Variants in KIF11 observed in about 807,000 individuals in gnomAD.
The protein encoded by KIF11 is kinesin family member 11, also known as kinesin-like protein KIF11.
KIF11 carries 9 observed loss-of-function variants against 121.0 expected under a neutral mutation model. The ratio of observed to expected loss-of-function variants is 0.07; its 90% CI spans 0.04 to 0.13. The LOEUF is 0.13. Ranked by LOEUF, KIF11 falls within the 10% of genes least tolerant of loss-of-function variation. KIF11 has a pLI of 1.00. For synonymous variants in KIF11, 408 were observed against 421.0 expected, an observed-to-expected ratio of 0.97 and a Z score of 0.38; for missense variants, 846 against 1,217.5, an observed-to-expected ratio of 0.69 and a Z score of 4.54.
chr10:92,652,967 A>C (rs1589610207), intron 21 of KIF11, among the ~76,000 whole-genome samples: 1 of 152,376 alleles, frequency 6.6e-6, no homozygotes, highest in East Asian at 1.9e-4. Context: ...GAATGTCACC[A>C]GTCCATTAAT....
Position 92,649,979 on chromosome 10 carries a change from C to T in KIF11, c.2915C>T (p.Thr972Ile), listed in dbSNP as rs200583142. The change falls in exon 20 of 22, where the codon ACA (threonine) becomes ATA (isoleucine). Residue 972 changes from threonine to isoleucine, a missense_variant. Around this residue, in one of 5 missense-constraint regions of KIF11, gnomAD observed 492 missense variants for 603.4 expected, o/e 0.82. Transcript: ENST00000260731. The part of the protein sequence containing the change: ...LNCSENNKEE[T>I]IPDVDVEEAV... ...TGTTCAGAAAACAACAAAGAAGAGACAATTCCGGTAAATTTAAAGGATCAT... is the reference window on the plus strand; with the variant it reads ...TGTTCAGAAAACAACAAAGAAGAGATAATTCCGGTAAATTTAAAGGATCAT... 1.9e-6 allele frequency: 3 copies of T among 1,607,690 alleles called. No individual in the cohort carries two copies. In the African/African-American group the frequency reaches 4.0e-5, roughly 21 times the overall value.
intron 1 of KIF11, among the ~76,000 whole-genome samples, chr10:92,595,447 G>T (rs1297410748): frequency 6.6e-6 from 1 of 151,918 alleles, no homozygotes; most frequent in Non-Finnish European, 1.5e-5. Flanking sequence ...ATCTGTCAGG[G>T]CAGGGGCCAG....
rs747970677 is a variant in KIF11 at position 92,637,476 on chromosome 10, G to A, written c.2091G>A (p.Leu697=). 1 of 1,608,206 alleles carries A rather than the reference G, an allele frequency of 6.2e-7. No homozygotes were observed. Among genetic ancestry groups the A allele is most frequent in the South Asian group, 1.1e-5 (1 of 89,614 alleles). The change falls in exon 16 of 22, where the codon TTG becomes TTA. Residue 697 remains leucine, a synonymous_variant. Coordinates refer to ENST00000260731, the MANE Select transcript of KIF11 (RefSeq NM_004523.4). ...HELQENTICS[L]VESQKQCGNL... ...TACAAGAAAATACCATTTGTTCCTTGGTTGAGTCACAAAAGCAATGTGGAA... is the reference window on the plus strand; with the variant it reads ...TACAAGAAAATACCATTTGTTCCTTAGTTGAGTCACAAAAGCAATGTGGAA...
intron 19 of KIF11, among the ~76,000 whole-genome samples, chr10:92,648,771 T>C (rs1454988958): frequency 6.6e-6 from 1 of 152,248 alleles, no homozygotes; most frequent in East Asian, 1.9e-4. Context: ...TAAATCTAGT[T>C]TAATGCAAAG....
At position 92,646,069 on chromosome 10, in the gene KIF11, A is replaced by G. The variant is rs369641571; in HGVS notation, c.2547+427A>G. ...CAAGTTCAAGCGATTCTCCTGCCTC[A>G]GCCTCTCGAGTAGTTGGGATTATAG... On this transcript the variant is annotated intron_variant, in intron 18 of 21. Coordinates refer to ENST00000260731, the MANE Select transcript of KIF11 (RefSeq NM_004523.4). Among the ~76,000 whole-genome samples the G allele has an allele frequency of 1.3e-5, 2 of 150,178 alleles. 1 individual carries two copies. The highest frequency in any genetic ancestry group is 3.9e-4 in the East Asian group (2 of 5,092).
chr10:92,646,217 G>A (rs1190214012), intron 18 of KIF11, among the ~76,000 whole-genome samples: 2 of 152,116 alleles, frequency 1.3e-5, no homozygotes, highest in Non-Finnish European at 2.9e-5. Context: ...CTCCCAAAGT[G>A]CTGGGATTAC....
chr10:92,599,753 A>T (rs922778146), intron 1 of KIF11, among the ~76,000 whole-genome samples: 20 of 148,024 alleles, frequency 1.4e-4, no homozygotes, highest in Non-Finnish European at 2.8e-4. Flanking sequence ...CCCAGGTTCA[A>T]GCAATTCTCC....
At chr10:92,614,700 A>G (rs1029644369) in intron 8 of KIF11, among the ~76,000 whole-genome samples, 1 of 152,178 alleles carries the variant, frequency 6.6e-6, no homozygotes, top group Non-Finnish European at 1.5e-5. Context: ...ACAGAGAGGA[A>G]AACCAAGAAA....
chr10:92,640,308 C>T (rs1213042447), intron 17 of KIF11, among the ~76,000 whole-genome samples: 1 of 150,670 alleles, frequency 6.6e-6, no homozygotes, highest in Non-Finnish European at 1.5e-5. Context: ...TCTTTGGCTG[C>T]CTTTGCACTG....
intron 9 of KIF11, among the ~76,000 whole-genome samples, chr10:92,620,835 C>T (rs574270740): frequency 6.6e-5 from 10 of 152,320 alleles, no homozygotes; most frequent in East Asian, 1.9e-4. Flanking sequence ...GGAAAAGATC[C>T]GCCCCTACGA....
intron 21 of KIF11, among the ~76,000 whole-genome samples, chr10:92,651,412 C>T (rs143619225): frequency 0.021 from 3,135 of 149,582 alleles, 55 homozygotes; most frequent in Admixed American, 0.053. Flanking sequence ...CTTGGCTCAC[C>T]GCAACTTCCA....
At chr10:92,641,150 A>T (rs1175742413) in intron 17 of KIF11, among the ~76,000 whole-genome samples, 1 of 152,154 alleles carries the variant, frequency 6.6e-6, no homozygotes, top group African/African-American at 2.4e-5. Context: ...GAATTTTATA[A>T]CTTTATGGTT....
At chr10:92,628,922 T>A in intron 11 of KIF11, 27 bp downstream of exon 11, 1 of 1,185,892 alleles carries the variant, frequency 8.4e-7, no homozygotes, top group South Asian at 1.4e-5. Flanking sequence ...ATATTTACTG[T>A]TATGTGAAAA....
chr10:92,613,163 C>G lies in KIF11; in HGVS notation c.789+33C>G. The G allele has an allele frequency of 2.0e-6, 3 of 1,488,538 alleles. No individual in the cohort carries two copies. The highest frequency in any genetic ancestry group is 2.8e-6 in the Non-Finnish European group (3 of 1,073,398). 92.2% of individuals were successfully genotyped at this position (1,488,538 alleles called of 1,614,324 possible). A position where few individuals can be genotyped will look rare whatever the true frequency, so the allele number is the denominator to read the frequency against. On this transcript the variant is annotated intron_variant, in intron 7 of 21. Transcript: ENST00000260731. This position sits in a 1 kb window ranked among gnomAD's most constrained non-coding sequence, Gnocchi z 4.2. ...TCCACCTTAATACTACTGTTTCACT[C>G]TTAAACACCTTATAGAGCAGCTTGA...
intron 1 of KIF11, 132 bp from the exon 2 acceptor site, chr10:92,606,133 C>T (rs897087297): frequency 3.0e-6 from 2 of 675,090 alleles, no homozygotes; most frequent in Non-Finnish European, 4.7e-6. Context: ...TCACTTAGTC[C>T]TGATTTAATC....
rs12259474 is a variant in KIF11, at chr10:92,607,141, A to G, written c.309-18A>G. 62,174 of 1,499,214 alleles carry G rather than the reference A, an allele frequency of 0.041. 6,720 individuals are homozygous for G. The highest frequency in any genetic ancestry group is 0.4 in the African/African-American group (29,029 of 72,434). 92.9% of individuals were successfully genotyped at this position (1,499,214 alleles called of 1,614,324 possible). A position where few individuals can be genotyped will look rare whatever the true frequency, so the allele number is the denominator to read the frequency against. Reference sequence around the variant, plus strand: ...GGTGCATGTTTCTTTTTGATTTAACACTTGTTAATCTTTACAGGTATGGCC... The same window carrying G: ...GGTGCATGTTTCTTTTTGATTTAACGCTTGTTAATCTTTACAGGTATGGCC... On this transcript the variant is annotated intron_variant, in intron 3 of 21. Transcript: ENST00000260731.
chr10:92,636,835 C>T (rs1844804271), intron 14 of KIF11, among the ~76,000 whole-genome samples: 1 of 151,662 alleles, frequency 6.6e-6, no homozygotes, highest in African/African-American at 2.4e-5. Flanking sequence ...GAGTTCCAGA[C>T]CAGCCTGGCC....
At chr10:92,601,977 TG>T (rs996224532) in intron 1 of KIF11, among the ~76,000 whole-genome samples, 1 of 152,192 alleles carries the variant, frequency 6.6e-6, no homozygotes, top group African/African-American at 2.4e-5. Context: ...TTATGACTAA[TG>T]GGTTTTGAAT....
rs369906299 is a variant in KIF11 at position 92,650,430 on chromosome 10, G to A, written c.2952G>A (p.Gly984=). Residue 984 remains glycine, a synonymous_variant, in exon 21 of 22, where the codon GGG becomes GGA. Coordinates refer to ENST00000260731, the MANE Select transcript of KIF11 (RefSeq NM_004523.4). ...PDVDVEEAVL[G]QYTEEPLSQE... ...TGGATGTAGAAGAGGCAGTTCTGGG[G>A]CAGTATACTGAAGAACCTCTAAGTC... 1.7e-4 allele frequency: 273 copies of A among 1,612,170 alleles called. No homozygotes were observed. The highest frequency in any genetic ancestry group is 2.3e-4 in the Non-Finnish European group (267 of 1,178,360).
Sources: allele counts gnomAD v4.1 joint callset (sites outside exome capture counted in the v4.1 genomes callset), GRCh38; gene constraint gnomAD v4.1.1; regional missense constraint gnomAD v4.1.1; non-coding constraint Gnocchi (gnomAD v3.1); transcripts MANE v1.5; gene names NCBI Gene and HGNC (gene_info 2026-07-23, HGNC 2026-07-21).